The following NR2C1 variants were observed in gnomAD, a reference collection of about 807,000 sequenced individuals.
The protein encoded by NR2C1 is nuclear receptor subfamily 2 group C member 1.
A neutral mutation model predicts 74.8 loss-of-function variants in NR2C1; 33 were observed. The observed-to-expected ratio is 0.44, with a 90% CI of 0.33 to 0.59. The LOEUF (loss-of-function observed/expected upper bound fraction) is 0.59. Ranked by LOEUF, NR2C1 falls within the 20% of genes least tolerant of loss-of-function variation. The pLI, the probability that NR2C1 is intolerant of heterozygous loss-of-function variation, is 0.02. For missense variants in NR2C1, 568 were observed against 715.6 expected, an observed-to-expected ratio of 0.79 and a Z score of 2.35; for synonymous variants, 225 against 240.6, an observed-to-expected ratio of 0.94 and a Z score of 0.60.
At chr12:95,069,650 A>G (rs955431300) in intron 1 of NR2C1, among the ~76,000 whole-genome samples, 2 of 152,216 alleles carry the variant, frequency 1.3e-5, no homozygotes, top group African/African-American at 2.4e-5. Context: ...ACATATGACT[A>G]TATTTTCCAA....
rs749389110 is a variant in NR2C1 at position 95,051,882 on chromosome 12, A to G, written c.845T>C (p.Leu282Pro). The G allele has an allele frequency of 1.2e-6, 2 of 1,612,086 alleles. No homozygotes were observed. Among genetic ancestry groups the G allele is most frequent in the South Asian group, 2.2e-5 (2 of 90,852 alleles). The change falls in exon 8 of 14, where the codon CTT (leucine) becomes CCT (proline). Residue 282 changes from leucine (L) to proline (P), a missense_variant. By Grantham distance (98) the Leu-to-Pro change is moderately conservative (BLOSUM62 -3). Around this residue, in one of 6 missense-constraint regions of NR2C1, gnomAD observed 239 missense variants for 232.3 expected, o/e 1.03. Transcript: ENST00000333003. ...LANVVTSLAN[L>P]GKTKDLSQNS... ...TTGAGAAAGATCTTTAGTTTTTCCAAGATTCGCTAATGATGTAACCACATT... is the reference window on the plus strand; with the variant it reads ...TTGAGAAAGATCTTTAGTTTTTCCAGGATTCGCTAATGATGTAACCACATT...
intron 1 of NR2C1, among the ~76,000 whole-genome samples, 199 bp from the exon 2 acceptor site, chr12:95,067,590 A>T (rs1052715336): frequency 3.4e-5 from 5 of 146,740 alleles, no homozygotes; most frequent in Non-Finnish European, 3.0e-5. Flanking sequence ...TTTTTTTTTT[A>T]AAACAAGGCC....
intron 13 of NR2C1, among the ~76,000 whole-genome samples, chr12:95,023,356 C>G (rs563004276): frequency 6.6e-6 from 1 of 152,190 alleles, no homozygotes; most frequent in South Asian, 2.1e-4. Flanking sequence ...TGCACTCCAG[C>G]CTGGGTGACA....
chr12:95,027,552 C>T (rs1037683990), intron 12 of NR2C1, among the ~76,000 whole-genome samples: 2 of 152,068 alleles, frequency 1.3e-5, no homozygotes, highest in African/African-American at 2.4e-5. Flanking sequence ...GCATGGCCAA[C>T]ATAGTGAAAC....
rs991070989 is a variant in NR2C1 at position 95,046,625 on chromosome 12, T to C, written c.1131+2443A>G. Among the ~76,000 whole-genome samples the C allele has an allele frequency of 5.3e-5, 8 of 152,278 alleles. No homozygotes were observed. The East Asian group carries it at 1.5e-3, about 29-fold the overall frequency. ...AATTAAAAATTCTAACCTCAGCTTA[T>C]GTGGTGAGGCCCAAAGGAAACAGTG... is the stretch of plus-strand genomic sequence containing the variant. On this transcript the variant is annotated intron_variant, in intron 9 of 13. Coordinates refer to ENST00000333003, the MANE Select transcript of NR2C1 (RefSeq NM_003297.4).
intron 10 of NR2C1, among the ~76,000 whole-genome samples, chr12:95,036,272 TAAAA>T (rs368229386): frequency 7.9e-6 from 1 of 127,208 alleles, no homozygotes; most frequent in Non-Finnish European, 1.6e-5. Context: ...ATGTTGAGAT[TAAAA>T]AAAAAAAAAA....
Position 95,047,851 on chromosome 12 carries a change from G to A in NR2C1, c.1131+1217C>T, listed in dbSNP as rs954501345. Reference sequence around the variant, plus strand: ...TTATTTGAATGACAAATAGTAGAAAGTGATTTTCTAGTCTTCTACATGTAT... The same window carrying A: ...TTATTTGAATGACAAATAGTAGAAAATGATTTTCTAGTCTTCTACATGTAT... On this transcript the variant is annotated intron_variant, in intron 9 of 13. Coordinates refer to ENST00000333003, the MANE Select transcript of NR2C1 (RefSeq NM_003297.4). Among the ~76,000 whole-genome samples the A allele has an allele frequency of 5.3e-5, 8 of 152,190 alleles. No individual in the cohort carries two copies. In the East Asian group the frequency reaches 5.8e-4, roughly 11 times the overall value.
chr12:95,059,828 G>C (rs1458070688), intron 4 of NR2C1, 78 bp downstream of exon 4: 7 of 940,112 alleles, frequency 7.4e-6, no homozygotes, highest in Non-Finnish European at 3.2e-6. Flanking sequence ...ATGGTAGTGT[G>C]GTAGTTATTT....
chr12:95,064,025 C>CTAA (rs1875229879), intron 2 of NR2C1, among the ~76,000 whole-genome samples: 1 of 69,502 alleles, frequency 1.4e-5, no homozygotes, highest in Non-Finnish European at 2.6e-5. Flanking sequence ...GACTCTGCCT[C>CTAA]AAAAAAAAAA....
Position 95,059,900 on chromosome 12 carries a change from T to C in NR2C1, c.364+6A>G. The C allele has an allele frequency of 6.4e-7, 1 of 1,573,970 alleles. No homozygotes were observed. Among genetic ancestry groups the C allele is most frequent in the Non-Finnish European group, 8.6e-7 (1 of 1,166,140 alleles). ...TCTGTTTTTAGGAGGTTATTCTTAATGTTACCTGATGCTTTGTCTCCACAT... is the reference window on the plus strand; with the variant it reads ...TCTGTTTTTAGGAGGTTATTCTTAACGTTACCTGATGCTTTGTCTCCACAT... On this transcript the variant is annotated splice_donor_region_variant and intron_variant, in intron 4 of 13. Coordinates refer to ENST00000333003, the MANE Select transcript of NR2C1 (RefSeq NM_003297.4).
At chr12:95,067,048 C>G (rs984980521) in intron 2 of NR2C1, 4 of 443,390 alleles carry the variant, frequency 9.0e-6, no homozygotes, top group Non-Finnish European at 1.6e-5. Context: ...CAAAAGCATT[C>G]CTACTCACTC....
chr12:95,067,181 C>T, intron 2 of NR2C1, 150 bp downstream of exon 2: 1 of 703,540 alleles, frequency 1.4e-6, no homozygotes, highest in Non-Finnish European at 2.5e-6. Context: ...TATGAATTGT[C>T]TGATTATTCA....
At chr12:95,042,980 T>C (rs754819495) in intron 9 of NR2C1, among the ~76,000 whole-genome samples, 1 of 149,848 alleles carries the variant, frequency 6.7e-6, no homozygotes, top group African/African-American at 2.5e-5. Flanking sequence ...AATTAAAAAT[T>C]TAGCCAGGAG....
intron 3 of NR2C1, among the ~76,000 whole-genome samples, chr12:95,061,608 T>C (rs1874793878): frequency 6.6e-6 from 1 of 152,346 alleles, no homozygotes; most frequent in Non-Finnish European, 1.5e-5. Flanking sequence ...ATTGGATGAA[T>C]AGATGATATC....
chr12:95,047,656 G>A (rs1872478306), intron 9 of NR2C1, among the ~76,000 whole-genome samples: 1 of 152,114 alleles, frequency 6.6e-6, no homozygotes, highest in African/African-American at 2.4e-5. Flanking sequence ...TCACCCTCAG[G>A]TATTCCAAGA....
chr12:95,039,542 T>C (rs1466852613), intron 10 of NR2C1, among the ~76,000 whole-genome samples: 1 of 152,250 alleles, frequency 6.6e-6, no homozygotes, highest in Admixed American at 6.5e-5. Flanking sequence ...TAAAACAATT[T>C]AAATACATTT....
At chr12:95,033,148 CAAA>C (rs200022502) in intron 10 of NR2C1, among the ~76,000 whole-genome samples, 2 of 84,054 alleles carry the variant, frequency 2.4e-5, no homozygotes, top group Admixed American at 1.3e-4. Flanking sequence ...GACCCTGTCT[CAAA>C]AAAAAAAAAA....
At chr12:95,049,408 C>T (rs1214520120) in intron 8 of NR2C1, 175 bp from the exon 9 acceptor site, 13 of 460,656 alleles carry the variant, frequency 2.8e-5, no homozygotes, top group Non-Finnish European at 4.9e-5. Flanking sequence ...GTATAAGCCA[C>T]ATGCCTGGCC....
At chr12:95,022,535 C>T (rs1021891773) in intron 13 of NR2C1, 132 bp from the exon 14 acceptor site, 20 of 761,232 alleles carry the variant, frequency 2.6e-5, no homozygotes, top group Non-Finnish European at 3.9e-5. Context: ...AAAATCAAAA[C>T]TTTAGTATTC....
Sources: allele counts gnomAD v4.1 joint callset (sites outside exome capture counted in the v4.1 genomes callset), GRCh38; gene constraint gnomAD v4.1.1; regional missense constraint gnomAD v4.1.1; transcripts MANE v1.5; gene names NCBI Gene and HGNC (gene_info 2026-07-23, HGNC 2026-07-21).